Variants in UBE2D2 observed in about 807,000 individuals in gnomAD.
UBE2D2 encodes ubiquitin conjugating enzyme E2 D2.
Under a neutral mutation model 24.2 loss-of-function variants are expected in UBE2D2, and 2 were observed. The observed-to-expected ratio is 0.08, with a 90% confidence interval of 0.03 to 0.26. The LOEUF is 0.26. Among genes scored for constraint, UBE2D2 ranks in the 10% least tolerant of loss-of-function variants. The probability of loss-of-function intolerance (pLI) is 1.00; values close to 1 mark genes in which losing one functional copy is unlikely to be tolerated. For synonymous variants in UBE2D2, 58 were observed against 56.5 expected (o/e 1.03, Z -0.12); for missense variants, 44 against 177.6 (o/e 0.25, Z 4.28).
At chr5:139,560,830 T>G (rs1208577269), upstream of UBE2D2, among the ~76,000 whole-genome samples, 2 of 152,166 alleles carry the variant, frequency 1.3e-5, no homozygotes, top group African/African-American at 4.8e-5. Flanking sequence ...CCAATCTCAC[T>G]GCAACCCGAG....
intron 1 of UBE2D2, among the ~76,000 whole-genome samples, chr5:139,584,377 C>T (rs916318984): frequency 6.6e-6 from 1 of 152,074 alleles, no homozygotes; most frequent in Non-Finnish European, 1.5e-5. Context: ...CTACACATTT[C>T]TCAGAATGTA....
intron 1 of UBE2D2, among the ~76,000 whole-genome samples, chr5:139,552,666 G>A (rs932157889): frequency 4.3e-5 from 6 of 139,026 alleles, no homozygotes; most frequent in Non-Finnish European, 6.1e-5. Flanking sequence ...GTGCCACCAC[G>A]CTTGGCTAAT....
intron 1 of UBE2D2, among the ~76,000 whole-genome samples, chr5:139,548,193 A>AAAAATAAAT: frequency 3.8e-4 from 18 of 47,084 alleles, no homozygotes; most frequent in Non-Finnish European, 5.3e-4. Context: ...ATAAAAAAAA[A>AAAAATAAAT]AAATAAATAA....
intron 1 of UBE2D2, among the ~76,000 whole-genome samples, chr5:139,590,888 G>A (rs746639324): frequency 2.5e-4 from 35 of 140,788 alleles, no homozygotes; most frequent in Non-Finnish European, 4.8e-4. Flanking sequence ...TCCGCCTCCC[G>A]GGTTCCAGTG....
intron 1 of UBE2D2, among the ~76,000 whole-genome samples, chr5:139,579,940 G>A (rs182049011): frequency 2.0e-4 from 30 of 151,948 alleles, no homozygotes; most frequent in East Asian, 1.2e-3. Flanking sequence ...CCAGCTACTC[G>A]GGAGGCTGAG....
chr5:139,570,581 G>A (rs1753334752), intron 1 of UBE2D2, among the ~76,000 whole-genome samples: 1 of 151,742 alleles, frequency 6.6e-6, no homozygotes, highest in South Asian at 2.1e-4. Context: ...GTGTGATCTC[G>A]GCTCACTGCA....
At chr5:139,550,441 T>C (rs1333364626) in intron 1 of UBE2D2, among the ~76,000 whole-genome samples, 1 of 152,032 alleles carries the variant, frequency 6.6e-6, no homozygotes, top group Non-Finnish European at 1.5e-5. Context: ...CAGCGCTCTG[T>C]AAAATGGACC....
At chr5:139,564,606 C>T (rs1043991816) in intron 1 of UBE2D2, among the ~76,000 whole-genome samples, 14 of 151,962 alleles carry the variant, frequency 9.2e-5, no homozygotes, top group Admixed American at 3.9e-4. Flanking sequence ...GGCACTCCGC[C>T]GCCATGCCCA....
chr5:139,529,484 A>T (rs1752577036), intron 1 of UBE2D2, among the ~76,000 whole-genome samples: 1 of 152,192 alleles, frequency 6.6e-6, no homozygotes, highest in South Asian at 2.1e-4. Context: ...TTTATGCGAG[A>T]TGTGTCAATA....
intron 1 of UBE2D2, among the ~76,000 whole-genome samples, chr5:139,596,841 T>A (rs927708324): frequency 6.6e-6 from 1 of 151,796 alleles, no homozygotes; most frequent in African/African-American, 2.4e-5. Context: ...GGTCAGGAGA[T>A]CGAGACCATC....
At chr5:139,587,215 A>G (rs891326142) in intron 1 of UBE2D2, among the ~76,000 whole-genome samples, 4 of 152,204 alleles carry the variant, frequency 2.6e-5, no homozygotes, top group Admixed American at 6.6e-5. Flanking sequence ...GCACTTAGCC[A>G]TGCAGGAACA....
At chr5:139,624,502 T>G (rs1754575442) in intron 6 of UBE2D2, among the ~76,000 whole-genome samples, 1 of 152,150 alleles carries the variant, frequency 6.6e-6, no homozygotes. Context: ...GATAGTTCTT[T>G]TAGGGCCGGG....
chr5:139,531,787 C>A (rs1752601327), intron 1 of UBE2D2, among the ~76,000 whole-genome samples: 1 of 151,842 alleles, frequency 6.6e-6, no homozygotes, highest in South Asian at 2.1e-4. Flanking sequence ...CAGTGTGGGA[C>A]CTTGTCTCTA....
At chr5:139,578,087 C>T (rs563484256) in intron 1 of UBE2D2, among the ~76,000 whole-genome samples, 2 of 152,256 alleles carry the variant, frequency 1.3e-5, no homozygotes, top group African/African-American at 4.8e-5. Flanking sequence ...CTCTTCCCAT[C>T]TACCTGGCTA....
intron 5 of UBE2D2, 25 bp downstream of exon 5, chr5:139,614,991 G>C (rs1249919738): frequency 1.9e-6 from 3 of 1,568,340 alleles, no homozygotes; most frequent in East Asian, 4.5e-5. Flanking sequence ...TTGATATCAA[G>C]ATAAAGCAAC....
In UBE2D2 at chr5:139,561,823, G is replaced by A; in HGVS notation, c.24+8G>A. 4 of 1,496,224 alleles carry A rather than the reference G, an allele frequency of 2.7e-6. No individual in the cohort carries two copies. Among genetic ancestry groups the A allele is most frequent in the Non-Finnish European group, 3.5e-6 (4 of 1,128,294 alleles). 92.7% of individuals were successfully genotyped at this position (1,496,224 alleles called of 1,614,324 possible). On this transcript the variant is annotated splice_region_variant and intron_variant, in intron 1 of 6. Coordinates refer to ENST00000398733, the MANE Select transcript of UBE2D2 (RefSeq NM_003339.3). ...CTGAAGAGAATCCACAAGGTAAGCG[G>A]CCGGAGGTCGGCTGCGCTGCTGGCC...
At chr5:139,613,905 T>C (rs1054889316) in intron 2 of UBE2D2, among the ~76,000 whole-genome samples, 1 of 152,004 alleles carries the variant, frequency 6.6e-6, no homozygotes, top group Non-Finnish European at 1.5e-5. Context: ...CTACTAAAAA[T>C]ACAAAAATTA....
In UBE2D2 at chr5:139,627,901, A is replaced by G. The variant is rs577003100; in HGVS notation, c.*1100A>G. On this transcript the variant is annotated 3_prime_UTR_variant, in exon 7 of 7. Transcript: ENST00000398733. Reference sequence around the variant, plus strand: ...CTTAAGAGCATTTCCATGAAACAACACATGCAGCATTCCAGGAACTTGATT... The same window carrying G: ...CTTAAGAGCATTTCCATGAAACAACGCATGCAGCATTCCAGGAACTTGATT... 6.5e-6 allele frequency: 1 copy of G among 152,804 alleles called. No individual in the cohort carries two copies. The highest frequency in any genetic ancestry group is 1.5e-5 in the Non-Finnish European group (1 of 68,038). The allele number at this position is 152,804 out of a possible 1,614,324, so 9.5% of individuals were successfully genotyped here. A position where few individuals can be genotyped will look rare whatever the true frequency, so the allele number is the denominator to read the frequency against.
intron 2 of UBE2D2, among the ~76,000 whole-genome samples, chr5:139,609,228 A>AT (rs1581527062): frequency 6.6e-6 from 1 of 152,102 alleles, no homozygotes. Context: ...GGAAAATTTA[A>AT]TTTTTTTAAT....
Sources: gnomAD v4.1 joint callset for allele counts (sites outside exome capture counted in the v4.1 genomes callset) on GRCh38, gnomAD v4.1.1 for gene constraint, MANE v1.5 for transcripts, NCBI Gene and HGNC (gene_info 2026-07-23, HGNC 2026-07-21) for gene names.